The following LPP variants were observed in gnomAD, a reference collection of about 807,000 sequenced individuals.
LPP encodes the protein LIM domain containing preferred translocation partner in lipoma.
In LPP, 38 loss-of-function variants were observed where a neutral mutation model predicts 60.4. The ratio of observed to expected loss-of-function variants is 0.63; its 90% CI spans 0.49 to 0.83. The LOEUF is 0.83. Ranked by LOEUF, LPP falls within the 40% of genes least tolerant of loss-of-function variation. LPP has a pLI of 0.00. For synonymous variants in LPP, 328 were observed against 290.8 expected (o/e 1.13, Z -1.30); for missense variants, 902 against 783.6 (o/e 1.15, Z -1.80).
chr3:188,195,024 C>T (rs368987023), intron 1 of LPP, among the ~76,000 whole-genome samples: 8 of 152,060 alleles, frequency 5.3e-5, no homozygotes, highest in East Asian at 1.9e-4. Flanking sequence ...TTTGGGAGGC[C>T]GAGGTGGGCA....
At chr3:188,521,435 A>T (rs1818836885) in intron 5 of LPP, among the ~76,000 whole-genome samples, 1 of 152,118 alleles carries the variant, frequency 6.6e-6, no homozygotes, top group Non-Finnish European at 1.5e-5. Flanking sequence ...CTCAGTGGTT[A>T]GATATTGCAG....
intron 7 of LPP, among the ~76,000 whole-genome samples, chr3:188,626,774 C>G (rs1846923108): frequency 6.6e-6 from 1 of 152,080 alleles, no homozygotes; most frequent in African/African-American, 2.4e-5. Context: ...ATCTGATATA[C>G]TAGGGGTTAG....
chr3:188,527,273 C>G (rs1820863756), intron 6 of LPP, among the ~76,000 whole-genome samples: 1 of 148,994 alleles, frequency 6.7e-6, no homozygotes, highest in Non-Finnish European at 1.5e-5. Flanking sequence ...TCGTTTGAAC[C>G]CGGGAGGCGG....
At chr3:188,350,461 A>G (rs980975694) in intron 3 of LPP, among the ~76,000 whole-genome samples, 1 of 152,224 alleles carries the variant, frequency 6.6e-6, no homozygotes, top group African/African-American at 2.4e-5. Flanking sequence ...GGCAAATATC[A>G]GGCATGGCTG....
At chr3:188,203,388 A>AT (rs1171780896) in intron 1 of LPP, among the ~76,000 whole-genome samples, 1 of 86,574 alleles carries the variant, frequency 1.2e-5, no homozygotes, top group African/African-American at 4.5e-5. Flanking sequence ...TAATATTTAT[A>AT]TATTAATATA....
chr3:188,234,546 T>A (rs1721203324), intron 2 of LPP, among the ~76,000 whole-genome samples: 2 of 152,210 alleles, frequency 1.3e-5, no homozygotes, highest in South Asian at 4.1e-4. Flanking sequence ...TTTACTGACT[T>A]GTGAAGTGTC....
chr3:188,515,876 A>C (rs1817219230), intron 5 of LPP, among the ~76,000 whole-genome samples: 1 of 152,212 alleles, frequency 6.6e-6, no homozygotes, highest in East Asian at 1.9e-4. Context: ...AGTATCAAAT[A>C]ACATAGTGAA....
At chr3:188,375,439 G>T (rs1428855899) in intron 3 of LPP, among the ~76,000 whole-genome samples, 6 of 152,158 alleles carry the variant, frequency 3.9e-5, no homozygotes, top group Admixed American at 3.9e-4. Flanking sequence ...GGCTTGGGAG[G>T]ATGTATGTGT....
At position 188,414,096 on chromosome 3, in the gene LPP, T is replaced by C. The variant is rs145522425; in HGVS notation, c.193+7783T>C. 2.0e-4 allele frequency among the ~76,000 whole-genome samples: 31 copies of C among 152,260 alleles called. No individual in the cohort carries two copies. In the East Asian group the frequency reaches 6.0e-3, roughly 29 times the overall value. On this transcript the variant is annotated intron_variant, in intron 4 of 11. Coordinates refer to ENST00000617246, the MANE Select transcript of LPP (RefSeq NM_001375462.1). ...GAAACAGAGACTAGTTCCTGCCCTC[T>C]TGGGATGTATTTTCTTGCTATAATA...
chr3:188,346,051 C>T (rs1764253401), intron 3 of LPP, among the ~76,000 whole-genome samples: 2 of 152,044 alleles, frequency 1.3e-5, no homozygotes, highest in East Asian at 1.9e-4. Context: ...TGCCCAAGGA[C>T]CTGCAGCGAA....
chr3:188,280,975 C>T (rs1054458332), intron 2 of LPP, among the ~76,000 whole-genome samples: 5 of 150,494 alleles, frequency 3.3e-5, no homozygotes, highest in African/African-American at 4.9e-5. Context: ...TGCTGTGTTG[C>T]CCAGGCTGGA....
At chr3:188,586,499 C>T (rs1399652826) in intron 6 of LPP, among the ~76,000 whole-genome samples, 1 of 152,148 alleles carries the variant, frequency 6.6e-6, no homozygotes, top group Non-Finnish European at 1.5e-5. Flanking sequence ...ACATGTAAGA[C>T]AACTTGCTGT....
intron 2 of LPP, among the ~76,000 whole-genome samples, chr3:188,251,521 T>C (rs1202686021): frequency 1.3e-5 from 2 of 152,142 alleles, no homozygotes; most frequent in African/African-American, 2.4e-5. Flanking sequence ...TAAAAATATA[T>C]ATGTAAACAA....
intron 2 of LPP, among the ~76,000 whole-genome samples, chr3:188,293,310 C>T (rs368146699): frequency 4.6e-5 from 7 of 152,330 alleles, no homozygotes; most frequent in South Asian, 4.1e-4. Flanking sequence ...TAAGCCTGCC[C>T]GCCTGGGGCT....
chr3:188,512,583 A>ATAAATAAAT (rs1553917964), intron 5 of LPP, among the ~76,000 whole-genome samples: 2 of 151,364 alleles, frequency 1.3e-5, no homozygotes, highest in African/African-American at 4.9e-5. Flanking sequence ...AAATAAATAA[A>ATAAATAAAT]TAAATAAATA....
intron 9 of LPP, among the ~76,000 whole-genome samples, chr3:188,767,554 GT>G (rs747461503): frequency 2.2e-4 from 33 of 152,100 alleles, no homozygotes; most frequent in Non-Finnish European, 4.1e-4. Flanking sequence ...CAAACAAAGA[GT>G]TTCTATCTTC....
In LPP at chr3:188,240,585, T is replaced by C. The variant is rs148524264; in HGVS notation, c.-67+15058T>C. ...TTTATTCAAACTCATTCCACTGTTATTGAGTAGTTAGGATATTAGACCAGC... is the reference window on the plus strand; with the variant it reads ...TTTATTCAAACTCATTCCACTGTTACTGAGTAGTTAGGATATTAGACCAGC... On this transcript the variant is annotated intron_variant, in intron 2 of 11. Coordinates refer to ENST00000617246, the MANE Select transcript of LPP (RefSeq NM_001375462.1). Among the ~76,000 whole-genome samples the C allele has an allele frequency of 3.3e-5, 5 of 152,270 alleles. No homozygotes were observed. The East Asian group carries it at 5.8e-4, about 18-fold the overall frequency.
rs923054888 is a variant in LPP at position 188,741,842 on chromosome 3, A to T, written c.1241-18271A>T. On this transcript the variant is annotated intron_variant, in intron 8 of 11. Coordinates refer to ENST00000617246, the MANE Select transcript of LPP (RefSeq NM_001375462.1). ...TGTTTTTTAAAAGACACCATAACAAATGAAATAGCAAGTCCCATACAGGGA... is the reference window on the plus strand; with the variant it reads ...TGTTTTTTAAAAGACACCATAACAATTGAAATAGCAAGTCCCATACAGGGA... Among the ~76,000 whole-genome samples, 4 of 152,156 alleles carry T rather than the reference A, an allele frequency of 2.6e-5. No homozygotes were observed. In the East Asian group the frequency reaches 7.7e-4, roughly 29 times the overall value.
intron 7 of LPP, among the ~76,000 whole-genome samples, chr3:188,694,789 T>G (rs1203409877): frequency 1.3e-5 from 2 of 152,172 alleles, no homozygotes; most frequent in African/African-American, 4.8e-5. Flanking sequence ...TTGGGGGTAC[T>G]TGTAATATTT....
Sources: gnomAD v4.1 joint callset for allele counts (sites outside exome capture counted in the v4.1 genomes callset) on GRCh38, gnomAD v4.1.1 for gene constraint, MANE v1.5 for transcripts, NCBI Gene and HGNC (gene_info 2026-07-23, HGNC 2026-07-21) for gene names.